ROCK2: variants seen among roughly 807,000 people sequenced by gnomAD.
ROCK2 encodes rho-associated protein kinase 2.
In ROCK2, 61 loss-of-function variants were observed where a neutral mutation model predicts 195.1. The ratio of observed to expected loss-of-function variants is 0.31; its 90% CI spans 0.25 to 0.39. The LOEUF (loss-of-function observed/expected upper bound fraction) is 0.39, where lower values mean the gene tolerates loss of function less well. ROCK2 is among the 10% of genes least tolerant of loss of function. The pLI is 1.00. For synonymous variants in ROCK2, 504 were observed against 545.5 expected (o/e 0.92, Z 1.06); for missense variants, 1,109 against 1,637.4 (o/e 0.68, Z 5.57).
intron 1 of ROCK2, among the ~76,000 whole-genome samples, chr2:11,288,006 C>G (rs1342481866): frequency 6.6e-6 from 1 of 152,140 alleles, no homozygotes; most frequent in Non-Finnish European, 1.5e-5. Context: ...ATTATTTTTG[C>G]TAGACAGATG....
At chr2:11,262,288 A>C (rs932464189) in intron 3 of ROCK2, among the ~76,000 whole-genome samples, 1 of 152,244 alleles carries the variant, frequency 6.6e-6, no homozygotes, top group African/African-American at 2.4e-5. Flanking sequence ...CAAAAAGTTA[A>C]CAGGGGTTAT....
In ROCK2 at chr2:11,197,289, G is replaced by A. The variant is rs1178109621; in HGVS notation, c.3339C>T (p.Asp1113=). The A allele has an allele frequency of 1.2e-6, 2 of 1,613,914 alleles. No individual in the cohort carries two copies. The highest frequency in any genetic ancestry group is 3.3e-5 in the Admixed American group (2 of 59,990). The change falls in exon 27 of 33, where the codon GAC becomes GAT. Residue 1113 remains aspartate, a synonymous_variant. Coordinates refer to ENST00000315872, the MANE Select transcript of ROCK2 (RefSeq NM_004850.5). This position sits in a 1 kb window ranked among gnomAD's most constrained non-coding sequence, Gnocchi z 4.9. ...GTGACCGCAGCTGCTCAATGTCACT[G>A]TCTTTACTGTCCAATGTCATCTGCA... ...IELQMTLDSK[D]SDIEQLRSQL...
At chr2:11,309,885 G>A (rs538852208) in intron 1 of ROCK2, among the ~76,000 whole-genome samples, 2 of 152,192 alleles carry the variant, frequency 1.3e-5, no homozygotes, top group African/African-American at 4.8e-5. Flanking sequence ...GGAGGCTGAG[G>A]TGGGAAGACG....
At chr2:11,212,726 T>A (rs533500909) in intron 17 of ROCK2, among the ~76,000 whole-genome samples, 2 of 151,440 alleles carry the variant, frequency 1.3e-5, no homozygotes, top group Admixed American at 1.3e-4. Flanking sequence ...AACCACATAA[T>A]CCACCAACAG....
intron 13 of ROCK2, among the ~76,000 whole-genome samples, 192 bp downstream of exon 13, chr2:11,215,966 A>G (rs1664411178): frequency 6.6e-6 from 1 of 152,212 alleles, no homozygotes; most frequent in South Asian, 2.1e-4. Context: ...GAATTAACTC[A>G]AGTTTGCAAA....
intron 27 of ROCK2, 38 bp from the exon 28 acceptor site, chr2:11,195,063 A>G (rs948687055): frequency 6.2e-6 from 7 of 1,136,282 alleles, no homozygotes; most frequent in Admixed American, 4.8e-5. Context: ...AAAGATAACA[A>G]TTCTCCTTAG....
At chr2:11,195,500 T>A (rs1663597675) in intron 27 of ROCK2, among the ~76,000 whole-genome samples, 1 of 152,140 alleles carries the variant, frequency 6.6e-6, no homozygotes. Flanking sequence ...AATAAAATAA[T>A]GTAAATTTTG....
At chr2:11,244,088 T>C (rs10929727) in intron 4 of ROCK2, among the ~76,000 whole-genome samples, 37,854 of 152,146 alleles carry the variant, frequency 0.25, 5,420 homozygotes, top group East Asian at 0.54. Context: ...ATTTTGATGA[T>C]AGGAAACACT....
intron 3 of ROCK2, among the ~76,000 whole-genome samples, chr2:11,269,973 C>CA (rs1307982838): frequency 2.6e-5 from 4 of 152,142 alleles, no homozygotes; most frequent in African/African-American, 9.7e-5. Flanking sequence ...AGGCCGGTCT[C>CA]AAACTCCTGG....
intron 3 of ROCK2, among the ~76,000 whole-genome samples, chr2:11,265,536 A>C (rs1666383025): frequency 6.6e-6 from 1 of 152,194 alleles, no homozygotes; most frequent in Non-Finnish European, 1.5e-5. Context: ...TTAGTTTTGC[A>C]ACAGTCTCCA....
Position 11,344,444 on chromosome 2 carries a change from C to T in ROCK2, c.-308G>A. The T allele has an allele frequency of 1.9e-6, 2 of 1,034,176 alleles. No individual in the cohort carries two copies. Among genetic ancestry groups the T allele is most frequent in the Non-Finnish European group, 2.3e-6 (2 of 862,476 alleles). 64.1% of individuals were successfully genotyped at this position (1,034,176 alleles called of 1,614,324 possible). A position where few individuals can be genotyped will look rare whatever the true frequency, so the allele number is the denominator to read the frequency against. ...TCCTCAGCGAGTGCCCGCAGGAGTC[C>T]TCGGGCGGGAGCAGGGAAGTGGCGC... On this transcript the variant is annotated 5_prime_UTR_variant, in exon 1 of 33. Coordinates refer to ENST00000315872, the MANE Select transcript of ROCK2 (RefSeq NM_004850.5). This position sits in a 1 kb window ranked among gnomAD's most constrained non-coding sequence, Gnocchi z 5.4.
At chr2:11,318,333 T>G (rs1337763022) in intron 1 of ROCK2, among the ~76,000 whole-genome samples, 1 of 152,222 alleles carries the variant, frequency 6.6e-6, no homozygotes, top group East Asian at 1.9e-4. Context: ...TATCTCATTG[T>G]GGTTTTGATT....
At chr2:11,318,590 A>C (rs1327230688) in intron 1 of ROCK2, among the ~76,000 whole-genome samples, 1 of 152,138 alleles carries the variant, frequency 6.6e-6, no homozygotes, top group Non-Finnish European at 1.5e-5. Context: ...TGCTGTGCAG[A>C]AGCTCTTTAG....
intron 10 of ROCK2, 36 bp downstream of exon 10, chr2:11,218,930 A>C: frequency 8.2e-7 from 1 of 1,215,968 alleles, no homozygotes; most frequent in Non-Finnish European, 1.2e-6. Context: ...TAAACATGAA[A>C]CTAAAATAAC....
At chr2:11,299,676 C>A (rs1376349405) in intron 1 of ROCK2, among the ~76,000 whole-genome samples, 1 of 152,176 alleles carries the variant, frequency 6.6e-6, no homozygotes, top group Admixed American at 6.6e-5. Flanking sequence ...AAGAACACAG[C>A]AAGAAGAAAA....
chr2:11,270,945 T>C (rs994327426), intron 3 of ROCK2, among the ~76,000 whole-genome samples: 12 of 152,204 alleles, frequency 7.9e-5, no homozygotes, highest in African/African-American at 2.4e-4. Context: ...CTTCTGTAAA[T>C]AGGTCTTTAG....
intron 1 of ROCK2, among the ~76,000 whole-genome samples, chr2:11,293,206 A>T (rs1667414087): frequency 6.6e-6 from 1 of 152,244 alleles, no homozygotes; most frequent in South Asian, 2.1e-4. Flanking sequence ...CGGTTCTGCC[A>T]TTTAGTGGCA....
chr2:11,267,162 A>T (rs1572335491), intron 3 of ROCK2, among the ~76,000 whole-genome samples: 1 of 152,230 alleles, frequency 6.6e-6, no homozygotes, highest in Non-Finnish European at 1.5e-5. Context: ...GAAACAATGC[A>T]TCTGTTTAAA....
Position 11,193,838 on chromosome 2 carries a change from G to T in ROCK2, c.3628C>A (p.Pro1210Thr). ...CTATACACATCTGTCTGTGTAACTGGTCGGACATGAAATAACTTGCTATAA... is the reference window on the plus strand; with the variant it reads ...CTATACACATCTGTCTGTGTAACTGTTCGGACATGAAATAACTTGCTATAA... ...LDIDKLFHVRPVTQTDVYRAD... is the reference protein window; with the variant it reads ...LDIDKLFHVRTVTQTDVYRAD... Residue 1210 changes from proline to threonine, a missense_variant, in exon 30 of 33, where the codon CCA becomes ACA. By Grantham distance (38) the Pro-to-Thr change is conservative. Transcript: ENST00000315872. The T allele has an allele frequency of 1.9e-6, 3 of 1,598,466 alleles. No homozygotes were observed. Among genetic ancestry groups the T allele is most frequent in the Non-Finnish European group, 2.6e-6 (3 of 1,170,810 alleles).
Sources: gnomAD v4.1 joint callset for allele counts (sites outside exome capture counted in the v4.1 genomes callset) on GRCh38, gnomAD v4.1.1 for gene constraint, Gnocchi (gnomAD v3.1) non-coding constraint, MANE v1.5 for transcripts, NCBI Gene and HGNC (gene_info 2026-07-23, HGNC 2026-07-21) for gene names.